Variants in ADAMTS12 observed in about 807,000 individuals in gnomAD.
The protein encoded by ADAMTS12 is A disintegrin and metalloproteinase with thrombospondin motifs 12.
A neutral mutation model predicts 167.8 loss-of-function variants in ADAMTS12; 118 were observed. The ratio of observed to expected loss-of-function variants is 0.70; its 90% CI spans 0.61 to 0.82. The LOEUF is 0.82. Among genes scored for constraint, ADAMTS12 ranks in the 40% least tolerant of loss-of-function variants. The pLI, the probability that ADAMTS12 is intolerant of heterozygous loss-of-function variation, is 0.00. For missense variants in ADAMTS12, 1,916 were observed against 1,998.8 expected (o/e 0.96, Z 0.79); for synonymous variants, 704 against 716.9 (o/e 0.98, Z 0.29).
chr5:33,743,501 T>A (rs1744671302), intron 3 of ADAMTS12, among the ~76,000 whole-genome samples: 1 of 152,132 alleles, frequency 6.6e-6, no homozygotes, highest in South Asian at 2.1e-4. Context: ...CTGCCTCTTT[T>A]GTATCTGCCA....
Position 33,648,973 on chromosome 5 carries a change from A to G in ADAMTS12, c.1335-7T>C. The G allele has an allele frequency of 1.2e-6, 2 of 1,613,246 alleles. No individual in the cohort carries two copies. The highest frequency in any genetic ancestry group is 1.7e-6 in the Non-Finnish European group (2 of 1,179,534). ...ACAGAACCCCCAGCCTCGGCTGAAA[A>G]CAAGTTAACAGAAATGAGAGGAGTT... On this transcript the variant is annotated splice_polypyrimidine_tract_variant and splice_region_variant and intron_variant, in intron 8 of 23. Coordinates refer to ENST00000504830, the MANE Select transcript of ADAMTS12 (RefSeq NM_030955.4).
chr5:33,676,644 C>A (rs189605999), intron 5 of ADAMTS12, among the ~76,000 whole-genome samples: 115 of 151,404 alleles, frequency 7.6e-4, no homozygotes, highest in Non-Finnish European at 1.2e-3. Context: ...TGTGCCACTG[C>A]ACTCCAGCCT....
At chr5:33,560,959 T>TA in intron 20 of ADAMTS12, 68 bp downstream of exon 20, 4 of 1,552,678 alleles carry the variant, frequency 2.6e-6, no homozygotes, top group Non-Finnish European at 3.5e-6. Context: ...AGTGTTTATA[T>TA]AAGATTCCCT....
chr5:33,630,840 A>G lies in ADAMTS12; in HGVS notation c.1962T>C (p.Asp654=). Residue 654 remains aspartate (D), a synonymous_variant, in exon 13 of 24, where the codon GAT becomes GAC. Transcript: ENST00000504830. ...FSEKMLDAVI[D]GTPCFEGGNS... Reference sequence around the variant, plus strand: ...TGCCGCCTTCAAAGCAAGGGGTACCATCAATGACAGCATCCAGCATTTTCT... The same window carrying G: ...TGCCGCCTTCAAAGCAAGGGGTACCGTCAATGACAGCATCCAGCATTTTCT... 1.2e-6 allele frequency: 2 copies of G among 1,613,798 alleles called. No individual in the cohort carries two copies. Among genetic ancestry groups the G allele is most frequent in the Non-Finnish European group, 1.7e-6 (2 of 1,179,744 alleles).
chr5:33,726,992 G>A (rs1744003866), intron 3 of ADAMTS12, among the ~76,000 whole-genome samples: 2 of 152,264 alleles, frequency 1.3e-5, no homozygotes, highest in East Asian at 3.9e-4. Flanking sequence ...CAGCTCCAGA[G>A]GAAACTCCTG....
intron 2 of ADAMTS12, among the ~76,000 whole-genome samples, chr5:33,869,236 T>G (rs575609933): frequency 2.6e-5 from 4 of 152,136 alleles, no homozygotes; most frequent in Non-Finnish European, 4.4e-5. Context: ...CCCAGACATA[T>G]GTCAGGCCAC....
At chr5:33,718,963 AAAAGTAAG>A (rs1743709074) in intron 3 of ADAMTS12, among the ~76,000 whole-genome samples, 1 of 152,194 alleles carries the variant, frequency 6.6e-6, no homozygotes, top group Non-Finnish European at 1.5e-5. Context: ...CAGGAGTGGC[AAAAGTAAG>A]AAAGTCTCTG....
At chr5:33,709,699 T>C (rs779866596) in intron 3 of ADAMTS12, among the ~76,000 whole-genome samples, 2 of 151,168 alleles carry the variant, frequency 1.3e-5, no homozygotes, top group Non-Finnish European at 3.0e-5. Context: ...ACATGGGGGA[T>C]TGTTGTGGGG....
chr5:33,563,376 G>C (rs1480758339), intron 19 of ADAMTS12, among the ~76,000 whole-genome samples: 2 of 152,166 alleles, frequency 1.3e-5, no homozygotes, highest in African/African-American at 4.8e-5. Flanking sequence ...GAATGCAGTG[G>C]ATGATGCTGT....
chr5:33,642,317 T>C (rs1260788006), intron 10 of ADAMTS12, among the ~76,000 whole-genome samples: 2 of 152,216 alleles, frequency 1.3e-5, no homozygotes, highest in Non-Finnish European at 2.9e-5. Context: ...CTTAGTAACA[T>C]AGTTGATTTG....
chr5:33,646,057 T>A (rs973663140), intron 9 of ADAMTS12, among the ~76,000 whole-genome samples: 5 of 152,100 alleles, frequency 3.3e-5, no homozygotes, highest in African/African-American at 1.2e-4. Flanking sequence ...TGTGCAGGGT[T>A]CTAGAGGTTG....
At chr5:33,740,538 CG>C (rs553397577) in intron 3 of ADAMTS12, among the ~76,000 whole-genome samples, 4 of 152,086 alleles carry the variant, frequency 2.6e-5, no homozygotes, top group Non-Finnish European at 4.4e-5. Flanking sequence ...GACGGGGATG[CG>C]GGGGTGAGAG....
At chr5:33,588,886 G>A in intron 17 of ADAMTS12, 77 bp from the exon 18 acceptor site, 1 of 1,543,994 alleles carries the variant, frequency 6.5e-7, no homozygotes, top group Non-Finnish European at 8.8e-7. Flanking sequence ...AGAAAGCAGG[G>A]GCAGAAATGC....
chr5:33,639,270 A>G (rs1740344850), intron 11 of ADAMTS12, among the ~76,000 whole-genome samples: 1 of 152,198 alleles, frequency 6.6e-6, no homozygotes, highest in Non-Finnish European at 1.5e-5. Context: ...TGTGCTCAAC[A>G]CTGTTCAGGG....
intron 16 of ADAMTS12, among the ~76,000 whole-genome samples, chr5:33,606,878 A>T (rs1738467397): frequency 6.6e-6 from 1 of 152,146 alleles, no homozygotes; most frequent in South Asian, 2.1e-4. Flanking sequence ...AGCAAACAGA[A>T]CTCAACAGTG....
intron 2 of ADAMTS12, among the ~76,000 whole-genome samples, chr5:33,791,977 C>G (rs1442987972): frequency 6.7e-6 from 1 of 148,156 alleles, no homozygotes; most frequent in Non-Finnish European, 1.5e-5. Flanking sequence ...CTAGTCTTAG[C>G]TTAAACGTGC....
intron 2 of ADAMTS12, among the ~76,000 whole-genome samples, chr5:33,826,305 T>C (rs1409144403): frequency 6.6e-6 from 1 of 152,088 alleles, no homozygotes; most frequent in Non-Finnish European, 1.5e-5. Context: ...ATAAAAATGA[T>C]AGTCTGCTCA....
intron 3 of ADAMTS12, among the ~76,000 whole-genome samples, chr5:33,701,318 C>T (rs1292075820): frequency 6.6e-6 from 1 of 152,164 alleles, no homozygotes; most frequent in South Asian, 2.1e-4. Context: ...CTACTGCTCT[C>T]TTCCAAAATT....
At chr5:33,824,788 G>A (rs1005788837) in intron 2 of ADAMTS12, among the ~76,000 whole-genome samples, 4 of 152,130 alleles carry the variant, frequency 2.6e-5, no homozygotes, top group African/African-American at 9.7e-5. Context: ...AGCATCCCTT[G>A]CTCTGTAAAG....
Sources: gnomAD v4.1 joint callset for allele counts (sites outside exome capture counted in the v4.1 genomes callset) on GRCh38, gnomAD v4.1.1 for gene constraint, MANE v1.5 for transcripts, NCBI Gene and HGNC (gene_info 2026-07-23, HGNC 2026-07-21) for gene names.